The following CENPP variants were observed in gnomAD, a reference collection of about 807,000 sequenced individuals.
The protein encoded by CENPP is centromere protein P.
In CENPP, 24 loss-of-function variants were observed where a neutral mutation model predicts 35.6. The observed-to-expected ratio is 0.67, with a 90% CI of 0.49 to 0.95. The LOEUF is 0.95. Among genes scored for constraint, CENPP ranks in the 40% least tolerant of loss-of-function variants. The pLI, the probability that CENPP is intolerant of heterozygous loss-of-function variation, is 0.00. For synonymous variants in CENPP, 120 were observed against 125.5 expected (o/e 0.96, Z 0.29); for missense variants, 332 against 345.3 (o/e 0.96, Z 0.31).
chr9:92,389,956 T>A (rs754746970), intron 5 of CENPP: 1 of 1,611,910 alleles, frequency 6.2e-7, no homozygotes, highest in South Asian at 1.1e-5. Context: ...GTAGTTGATT[T>A]TCAGCAAGTG....
chr9:92,493,481 A>C (rs1489011220), intron 5 of CENPP: 1 of 152,218 alleles, frequency 6.6e-6, no homozygotes. Flanking sequence ...TCTTATTGAT[A>C]ATAAGCCAAA....
intron 5 of CENPP, among the ~76,000 whole-genome samples, chr9:92,531,540 T>G (rs1848751753): frequency 6.6e-6 from 1 of 152,188 alleles, no homozygotes; most frequent in African/African-American, 2.4e-5. Flanking sequence ...AGATAATTCT[T>G]TTTTTATGGG....
intron 5 of CENPP, among the ~76,000 whole-genome samples, chr9:92,547,815 C>G (rs1179679809): frequency 6.6e-6 from 1 of 152,136 alleles, no homozygotes; most frequent in African/African-American, 2.4e-5. Flanking sequence ...TAAATTATAT[C>G]TCGAGATAGC....
chr9:92,591,551 T>TA (rs1442843435), intron 5 of CENPP, among the ~76,000 whole-genome samples: 1 of 151,666 alleles, frequency 6.6e-6, no homozygotes, highest in Non-Finnish European at 1.5e-5. Context: ...GCATTCCAGA[T>TA]ACCACAGTAT....
intron 5 of CENPP, among the ~76,000 whole-genome samples, chr9:92,532,012 AATG>A (rs1848792584): frequency 1.3e-5 from 1 of 78,544 alleles, no homozygotes; most frequent in Non-Finnish European, 2.4e-5. Flanking sequence ...TTTTTTATTT[AATG>A]TTTTTTTTTT....
chr9:92,433,171 C>T (rs1162918911), intron 5 of CENPP, among the ~76,000 whole-genome samples: 1 of 152,146 alleles, frequency 6.6e-6, no homozygotes, highest in Non-Finnish European at 1.5e-5. Context: ...AAGATCAAGG[C>T]ACCAGCATTT....
At chr9:92,439,529 TTGGTGG>T (rs1844333254) in intron 5 of CENPP, among the ~76,000 whole-genome samples, 2 of 152,280 alleles carry the variant, frequency 1.3e-5, no homozygotes, top group Non-Finnish European at 2.9e-5. Flanking sequence ...TTTTCATGAG[TTGGTGG>T]TCTTAAGTCA....
intron 5 of CENPP, among the ~76,000 whole-genome samples, chr9:92,405,873 C>T (rs758424912): frequency 1.4e-4 from 21 of 152,134 alleles, no homozygotes; most frequent in Non-Finnish European, 2.6e-4. Flanking sequence ...GTTTATTGAG[C>T]GCCAATTCTG....
chr9:92,478,176 G>T (rs141119348), intron 5 of CENPP, among the ~76,000 whole-genome samples: 1 of 151,580 alleles, frequency 6.6e-6, no homozygotes, highest in Non-Finnish European at 1.5e-5. Context: ...ATGTCAGTCC[G>T]CCAACAGAAT....
chr9:92,341,733 G>A (rs935005584), intron 3 of CENPP: 4 of 152,324 alleles, frequency 2.6e-5, no homozygotes, highest in Non-Finnish European at 4.4e-5. Context: ...CCAGACAGTG[G>A]ATGTCCTGCC....
intron 5 of CENPP, among the ~76,000 whole-genome samples, chr9:92,434,408 G>T (rs953501302): frequency 4.1e-5 from 6 of 145,688 alleles, no homozygotes; most frequent in African/African-American, 1.5e-4. Context: ...AAAAAAAATA[G>T]AATGAGTAAT....
chr9:92,388,875 C>T (rs1842551163), intron 5 of CENPP, among the ~76,000 whole-genome samples: 1 of 150,756 alleles, frequency 6.6e-6, no homozygotes, highest in African/African-American at 2.4e-5. Context: ...AAAAAGTCCT[C>T]TAAGAGTCCC....
At chr9:92,439,690 T>C (rs1235492212) in intron 5 of CENPP, among the ~76,000 whole-genome samples, 1 of 152,262 alleles carries the variant, frequency 6.6e-6, no homozygotes, top group Non-Finnish European at 1.5e-5. Context: ...TATCGCTTTA[T>C]ATCTAGTCCT....
At chr9:92,573,965 G>A (rs1850216604) in intron 5 of CENPP, among the ~76,000 whole-genome samples, 1 of 152,266 alleles carries the variant, frequency 6.6e-6, no homozygotes. Context: ...GTATTAGAGT[G>A]GGAGTGTCCC....
intron 5 of CENPP, among the ~76,000 whole-genome samples, chr9:92,540,102 C>G (rs1410029148): frequency 2.0e-5 from 3 of 152,034 alleles, no homozygotes; most frequent in Non-Finnish European, 4.4e-5. Flanking sequence ...TTTCTATATC[C>G]AATACTGATA....
intron 5 of CENPP, among the ~76,000 whole-genome samples, chr9:92,450,191 C>T (rs1446265439): frequency 6.6e-6 from 1 of 151,326 alleles, no homozygotes; most frequent in East Asian, 1.9e-4. Context: ...GTGTGCTGTA[C>T]CCATTAACTC....
At chr9:92,510,663 T>G (rs937895799) in intron 5 of CENPP, among the ~76,000 whole-genome samples, 1 of 152,196 alleles carries the variant, frequency 6.6e-6, no homozygotes, top group African/African-American at 2.4e-5. Flanking sequence ...TGGGGACCTG[T>G]GGTTGGGTAG....
intron 5 of CENPP, among the ~76,000 whole-genome samples, chr9:92,465,610 G>T (rs1309109847): frequency 2.0e-5 from 3 of 152,064 alleles, no homozygotes; most frequent in Non-Finnish European, 4.4e-5. Flanking sequence ...ATAAAATCAG[G>T]TAGAGTTTTA....
At chr9:92,416,072 T>A (rs2398750) in intron 5 of CENPP, among the ~76,000 whole-genome samples, 50,124 of 124,534 alleles carry the variant, frequency 0.4, 10,597 homozygotes, top group African/African-American at 0.56. Context: ...ATATATATAT[T>A]TATTTATTTA....
Sources: allele counts gnomAD v4.1 joint callset (sites outside exome capture counted in the v4.1 genomes callset), GRCh38; gene constraint gnomAD v4.1.1; transcripts MANE v1.5; gene names NCBI Gene and HGNC (gene_info 2026-07-23, HGNC 2026-07-21).